The following SLC6A8 variants were observed in gnomAD, a reference collection of about 807,000 sequenced individuals.
SLC6A8 encodes the protein solute carrier family 6 member 8.
A neutral mutation model predicts 48.3 loss-of-function variants in SLC6A8; 6 were observed. The ratio of observed to expected loss-of-function variants is 0.12; its 90% CI spans 0.07 to 0.25. The LOEUF (loss-of-function observed/expected upper bound fraction) is 0.25, where lower values mean the gene tolerates loss of function less well. Ranked by LOEUF, SLC6A8 falls within the 10% of genes least tolerant of loss-of-function variation. The pLI is 1.00. For missense variants in SLC6A8, 260 were observed against 551.5 expected, an observed-to-expected ratio of 0.47 and a Z score of 5.29; for synonymous variants, 245 against 244.0, an observed-to-expected ratio of 1.00 and a Z score of -0.04.
At position 153,688,676 on chromosome X, in the gene SLC6A8, C is replaced by T; in HGVS notation, c.102C>T (p.Gly34=). The T allele has an allele frequency of 1.0e-5, 11 of 1,090,217 alleles. No individual in the cohort carries two copies. Among genetic ancestry groups the T allele is most frequent in the Non-Finnish European group, 1.2e-5 (10 of 833,667 alleles). The allele number at this position is 1,090,217 out of a possible 1,213,427, so 89.8% of individuals were successfully genotyped here. Residue 34 remains glycine (G), a synonymous_variant, in exon 1 of 13, where the codon GGC becomes GGT. Transcript: ENST00000253122. ...APGPDGAPAK[G]DGPVGLGTPG... is the part of the protein sequence containing the mutation. ...GGCCCGACGGGGCCCCGGCCAAGGGCGACGGCCCCGTGGGCCTGGGGACAC... is the reference window on the plus strand; with the variant it reads ...GGCCCGACGGGGCCCCGGCCAAGGGTGACGGCCCCGTGGGCCTGGGGACAC...
At chrX:153,691,006 G>A in intron 2 of SLC6A8, 1 of 308,640 alleles carries the variant, frequency 3.2e-6, no homozygotes, top group Non-Finnish European at 5.9e-6. Flanking sequence ...GGGACCCACA[G>A]AAGGGGCCAG....
At chrX:153,693,413 G>C in intron 6 of SLC6A8, 47 bp downstream of exon 6, 3 of 1,207,924 alleles carry the variant, frequency 2.5e-6, no homozygotes, top group Non-Finnish European at 3.4e-6. Context: ...GCCCTGCCCC[G>C]CCCTGCCCAG....
At chrX:153,693,422 A>C (rs782278178) in intron 6 of SLC6A8, 40 bp from the exon 7 acceptor site, 4 of 1,207,688 alleles carry the variant, frequency 3.3e-6, no homozygotes. Context: ...CGCCCTGCCC[A>C]GCAGCCTAAC....
Position 153,688,731 on chromosome X carries a change from G to T in SLC6A8, c.157G>T (p.Glu53Ter). The T allele has an allele frequency of 8.8e-7, 1 of 1,138,171 alleles. No homozygotes were observed. Among genetic ancestry groups the T allele is most frequent in the Admixed American group, 2.6e-5 (1 of 39,209 alleles). 93.8% of individuals were successfully genotyped at this position (1,138,171 alleles called of 1,213,427 possible). ...CGGCCGCCTGGCCGTGCCGCCGCGC[G>T]AGACCTGGACGCGCCAGATGGACTT... ...PGGRLAVPPRETWTRQMDFIM... is the reference protein window; with the variant it reads ...PGGRLAVPPR The change falls in exon 1 of 13, where the codon GAG becomes TAG. Residue 53 changes from glutamate (E) to a stop codon, truncating the protein, a stop_gained. Transcript: ENST00000253122. LOFTEE classifies it high-confidence loss of function.
intron 1 of SLC6A8, among the ~76,000 whole-genome samples, chrX:153,689,192 A>AGCGGCACATTGTGTGGGCCC (rs1234982712): frequency 2.9e-4 from 32 of 111,238 alleles, no homozygotes; most frequent in Non-Finnish European, 4.9e-4. Flanking sequence ...CGGGCACACA[A>AGCGGCACATTGTGTGGGCCC]GCGGCACATT....
Position 153,696,118 on chromosome X carries a change from TGTGA to T in SLC6A8, c.*907_*910del. The T allele has an allele frequency of 4.8e-6, 1 of 209,827 alleles. No homozygotes were observed. Among genetic ancestry groups the T allele is most frequent in the Non-Finnish European group, 8.9e-6 (1 of 111,841 alleles). The allele number at this position is 209,827 out of a possible 1,213,427, so 17.3% of individuals were successfully genotyped here. A position where few individuals can be genotyped will look rare whatever the true frequency, so the allele number is the denominator to read the frequency against. On this transcript the variant is annotated 3_prime_UTR_variant, in exon 13 of 13. Coordinates refer to ENST00000253122, the MANE Select transcript of SLC6A8 (RefSeq NM_005629.4). ...AACAAAAGCTTCGAGCTGTTGCGTG[TGTGA>T]GTCTGTTGTGTGGATGTGCGTGTGT... is the stretch of plus-strand genomic sequence containing the variant.
intron 2 of SLC6A8, chrX:153,690,892 AC>A (rs34305716): frequency 8.8e-3 from 1,441 of 164,324 alleles, no homozygotes; most frequent in East Asian, 0.032. Flanking sequence ...GCGACTAGAA[AC>A]CCCCCCCCCC....
At chrX:153,688,881 C>A in intron 1 of SLC6A8, 45 bp downstream of exon 1, 7 of 879,373 alleles carry the variant, frequency 8.0e-6, no homozygotes, top group Middle Eastern at 4.7e-4. Flanking sequence ...AGCAGGCCGC[C>A]GGCCCCCGCC....
rs782414344 is a variant in SLC6A8, at chrX:153,694,220, C to T, written c.1345C>T (p.Leu449Phe). 2.5e-6 allele frequency: 3 copies of T among 1,211,194 alleles called. No individual in the cohort carries two copies. In the South Asian group the frequency reaches 5.3e-5, roughly 21 times the overall value. Residue 449 changes from leucine to phenylalanine, a missense_variant, in exon 9 of 13, where the codon CTC becomes TTC. Leu to Phe is a conservative substitution (Grantham distance 22). Coordinates refer to ENST00000253122, the MANE Select transcript of SLC6A8 (RefSeq NM_005629.4). ...FRFQREISVA[L>F]CCALCFVIDL... Reference sequence around the variant, plus strand: ...TTTCCAAAGGGAGATCTCTGTGGCCCTCTGTTGTGCCCTCTGCTTTGTCAT... The same window carrying T: ...TTTCCAAAGGGAGATCTCTGTGGCCTTCTGTTGTGCCCTCTGCTTTGTCAT...
chrX:153,688,953 G>T, intron 1 of SLC6A8, 117 bp downstream of exon 1: 1 of 297,932 alleles, frequency 3.4e-6, no homozygotes. Flanking sequence ...CGGGCACGCG[G>T]GGGTCGGGGC....
rs782682148 is a variant in SLC6A8, at chrX:153,695,062, C to CCT, written c.1768-8_1768-7dup. On this transcript the variant is annotated splice_polypyrimidine_tract_variant and intron_variant, in intron 12 of 12. Transcript: ENST00000253122. The stretch of plus-strand genomic sequence containing the variant: ...GACCCTGGGGGCTTCAGCATGTCCT[C>CCT]CTCTCCTGCAGCGCTGGCAGCACCT... 6.6e-5 allele frequency: 79 copies of CCT among 1,196,663 alleles called. No individual in the cohort carries two copies. The highest frequency in any genetic ancestry group is 8.3e-5 in the Non-Finnish European group (74 of 887,836).
At chrX:153,691,949 T>C in intron 3 of SLC6A8, 26 bp from the exon 4 acceptor site, 3 of 1,176,521 alleles carry the variant, frequency 2.5e-6, no homozygotes, top group Non-Finnish European at 2.3e-6. Flanking sequence ...GGCACAGGCC[T>C]CATGGGACCT....
chrX:153,693,830 G>A, intron 7 of SLC6A8, 75 bp from the exon 8 acceptor site: 21 of 912,346 alleles, frequency 2.3e-5, no homozygotes, highest in Non-Finnish European at 3.0e-5. Flanking sequence ...GGGCGCGAGT[G>A]TTGCAGGCAG....
chrX:153,694,467 G>A, intron 10 of SLC6A8, 21 bp downstream of exon 10: 1 of 1,197,557 alleles, frequency 8.4e-7, no homozygotes, highest in Non-Finnish European at 1.1e-6. Flanking sequence ...GCTGAGGGCT[G>A]GGCTGGGGGA....
chrX:153,695,230 C>A lies in SLC6A8; in HGVS notation c.*16C>A. The A allele has an allele frequency of 8.5e-7, 1 of 1,174,057 alleles. No individual in the cohort carries two copies. Among genetic ancestry groups the A allele is most frequent in the Non-Finnish European group, 1.1e-6 (1 of 874,747 alleles). ...TGTCATGTGACAACTCAGCTCACAT[C>A]ACCAGCTCACCTCTGGTAGCCATAG... On this transcript the variant is annotated 3_prime_UTR_variant, in exon 13 of 13. Transcript: ENST00000253122.
chrX:153,693,412 C>T lies in SLC6A8; in HGVS notation c.1016+46C>T, dbSNP rs185666272. ...ACCCGTGCCCTGTCCTGCCCTGCCCCGCCCTGCCCAGCAGCCTAACCCATC... is the reference window on the plus strand; with the variant it reads ...ACCCGTGCCCTGTCCTGCCCTGCCCTGCCCTGCCCAGCAGCCTAACCCATC... On this transcript the variant is annotated intron_variant, in intron 6 of 12. Coordinates refer to ENST00000253122, the MANE Select transcript of SLC6A8 (RefSeq NM_005629.4). 1.2e-4 allele frequency: 140 copies of T among 1,205,558 alleles called. No individual in the cohort carries two copies. In the Middle Eastern group the frequency reaches 2.1e-3, roughly 18 times the overall value.
At chrX:153,691,677 G>A in intron 3 of SLC6A8, 124 bp downstream of exon 3, 1 of 871,613 alleles carries the variant, frequency 1.1e-6, no homozygotes, top group Admixed American at 2.2e-5. Flanking sequence ...CCTGGACCCT[G>A]CCTGCCCTTG....
At position 153,688,571 on chromosome X, in the gene SLC6A8, G is replaced by A. The variant is rs781872806; in HGVS notation, c.-4G>A. 9.8e-7 allele frequency: 1 copy of A among 1,019,018 alleles called. No individual in the cohort carries two copies. Among genetic ancestry groups the A allele is most frequent in the South Asian group, 2.4e-5 (1 of 41,698 alleles). The allele number at this position is 1,019,018 out of a possible 1,213,427, so 84.0% of individuals were successfully genotyped here. On this transcript the variant is annotated 5_prime_UTR_variant, in exon 1 of 13. Transcript: ENST00000253122. Reference sequence around the variant, plus strand: ...CCGGCCCGGCCGTGCGGCCCGCCGAGGCCATGGCGAAGAAGAGCGCCGAGA... The same window carrying A: ...CCGGCCCGGCCGTGCGGCCCGCCGAAGCCATGGCGAAGAAGAGCGCCGAGA...
chrX:153,693,863 G>C lies in SLC6A8; in HGVS notation c.1142-42G>C. On this transcript the variant is annotated intron_variant, in intron 7 of 12. Coordinates refer to ENST00000253122, the MANE Select transcript of SLC6A8 (RefSeq NM_005629.4). The stretch of plus-strand genomic sequence containing the variant: ...CAGGGCTCAGGGTGCGCACAGGGCA[G>C]GACATCGGCTACAAGGTCTAGAGCC... The C allele has an allele frequency of 2.9e-6, 3 of 1,038,315 alleles. No homozygotes were observed. In the Admixed American group the frequency reaches 7.7e-5, roughly 27 times the overall value. 85.6% of individuals were successfully genotyped at this position (1,038,315 alleles called of 1,213,427 possible).
Sources: gnomAD v4.1 joint callset for allele counts (sites outside exome capture counted in the v4.1 genomes callset) on GRCh38, gnomAD v4.1.1 for gene constraint, MANE v1.5 for transcripts, NCBI Gene and HGNC (gene_info 2026-07-23, HGNC 2026-07-21) for gene names.